ERBIN: variants seen among roughly 807,000 people sequenced by gnomAD.
ERBIN encodes erbb2 interacting protein.
A neutral mutation model predicts 158.4 loss-of-function variants in ERBIN; 60 were observed. The ratio of observed to expected loss-of-function variants is 0.38; its 90% CI spans 0.31 to 0.47. The LOEUF (loss-of-function observed/expected upper bound fraction) is 0.47, where lower values mean the gene tolerates loss of function less well. ERBIN is among the 20% of genes least tolerant of loss of function. The probability of loss-of-function intolerance (pLI) is 0.99; values close to 1 mark genes in which losing one functional copy is unlikely to be tolerated. For synonymous variants in ERBIN, 594 were observed against 557.2 expected (o/e 1.07, Z -0.93); for missense variants, 1,610 against 1,648.0 (o/e 0.98, Z 0.40).
chr5:66,031,701 A>T lies in ERBIN; in HGVS notation c.1206+3358A>T, dbSNP rs189286637. Among the ~76,000 whole-genome samples the T allele has an allele frequency of 2.5e-3, 386 of 152,268 alleles. 3 individuals carry two copies. The highest frequency in any genetic ancestry group is 9.0e-3 in the African/African-American group (372 of 41,552). ...TAAAACATTAGCCAGGTGGGGTAGC[A>T]CATGCCTGTAGTCCAGGCTACTCAG... On this transcript the variant is annotated intron_variant, in intron 14 of 25. Transcript: ENST00000284037.
chr5:66,030,588 G>A (rs73763071), intron 14 of ERBIN, among the ~76,000 whole-genome samples: 3,654 of 147,410 alleles, frequency 0.025, 161 homozygotes, highest in African/African-American at 0.088. Flanking sequence ...TTTGCGGCGG[G>A]GTCTTACTCT....
chr5:66,034,646 T>C (rs927196632), intron 14 of ERBIN, among the ~76,000 whole-genome samples: 1 of 151,898 alleles, frequency 6.6e-6, no homozygotes, highest in Admixed American at 6.6e-5. Context: ...AGAACACAGT[T>C]TAGGAAACAT....
Position 66,054,855 on chromosome 5 carries a change from T to G in ERBIN, c.3537T>G (p.Ser1179=). The G allele has an allele frequency of 6.2e-7, 1 of 1,614,152 alleles. No individual in the cohort carries two copies. The highest frequency in any genetic ancestry group is 8.5e-7 in the Non-Finnish European group (1 of 1,179,996). ...PSKRPNARVG[S]EHSLLDPPGK... is the part of the protein sequence containing the mutation. ...AAAGACCAAATGCAAGGGTTGGTTC[T>G]GAGCATTCTTTATTAGATCCTCCAG... The change falls in exon 21 of 26, where the codon TCT becomes TCG. Residue 1179 remains serine, a synonymous_variant. Transcript: ENST00000284037.
intron 22 of ERBIN, among the ~76,000 whole-genome samples, chr5:66,073,740 A>G (rs140494299): frequency 5.1e-4 from 78 of 152,268 alleles, no homozygotes; most frequent in Non-Finnish European, 8.4e-4. Flanking sequence ...TTTCCCTCAT[A>G]GTTTTCCCAT....
chr5:66,015,238 AG>A (rs1402158322), intron 7 of ERBIN, among the ~76,000 whole-genome samples: 1 of 152,226 alleles, frequency 6.6e-6, no homozygotes, highest in Admixed American at 6.5e-5. Flanking sequence ...TAAAAGAAAC[AG>A]GTCTACAAAC....
chr5:66,019,284 G>T (rs888230537), intron 7 of ERBIN, among the ~76,000 whole-genome samples: 1 of 152,096 alleles, frequency 6.6e-6, no homozygotes, highest in African/African-American at 2.4e-5. Context: ...GTGCATTTAG[G>T]TTATATGACT....
At chr5:66,058,478 T>C (rs1217329643) in intron 21 of ERBIN, among the ~76,000 whole-genome samples, 1 of 151,656 alleles carries the variant, frequency 6.6e-6, no homozygotes, top group Non-Finnish European at 1.5e-5. Context: ...TCTCCCGTTC[T>C]GTAGGTTGCC....
rs1762415834 is a variant in ERBIN, at chr5:66,082,210, T to C, written c.*3680T>C. On this transcript the variant is annotated 3_prime_UTR_variant, in exon 26 of 26. Transcript: ENST00000284037. ...CCTAAGCTGAGAAAGCCTAAAATGT[T>C]AGAGAATGTTTAGAGAAAACACCTG... The C allele has an allele frequency of 6.6e-6, 1 of 152,232 alleles. No individual in the cohort carries two copies. The highest frequency in any genetic ancestry group is 1.5e-5 in the Non-Finnish European group (1 of 68,040). 9.4% of individuals were successfully genotyped at this position (152,232 alleles called of 1,614,324 possible).
chr5:66,045,520 G>A (rs1217602258), intron 17 of ERBIN, among the ~76,000 whole-genome samples: 1 of 149,974 alleles, frequency 6.7e-6, no homozygotes, highest in African/African-American at 2.5e-5. Flanking sequence ...TACTGTCTAG[G>A]TTTGTGTAAG....
intron 1 of ERBIN, among the ~76,000 whole-genome samples, chr5:65,957,428 G>A (rs961900873): frequency 6.6e-6 from 1 of 152,016 alleles, no homozygotes; most frequent in African/African-American, 2.4e-5. Context: ...CTCTTAACGA[G>A]CATGCTGCCT....
chr5:66,064,736 C>A (rs545813796), intron 21 of ERBIN, among the ~76,000 whole-genome samples: 2 of 152,102 alleles, frequency 1.3e-5, no homozygotes, highest in Admixed American at 6.5e-5. Flanking sequence ...GGGGTTTTGG[C>A]TCTCGTGGTG....
At chr5:66,041,998 G>A (rs1424826392) in intron 15 of ERBIN, among the ~76,000 whole-genome samples, 1 of 151,974 alleles carries the variant, frequency 6.6e-6, no homozygotes, top group Non-Finnish European at 1.5e-5. Context: ...CATTCCCATT[G>A]GTAAGATTTG....
intron 15 of ERBIN, among the ~76,000 whole-genome samples, chr5:66,041,920 C>G (rs1451261631): frequency 9.3e-5 from 14 of 151,346 alleles, no homozygotes; most frequent in Non-Finnish European, 2.1e-4. Flanking sequence ...TTTAAAAAAG[C>G]AATTATAAGG....
At chr5:65,969,052 GAGTT>G (rs1240682945) in intron 1 of ERBIN, among the ~76,000 whole-genome samples, 1 of 152,088 alleles carries the variant, frequency 6.6e-6, no homozygotes, top group Non-Finnish European at 1.5e-5. Context: ...AAGTGAATGA[GAGTT>G]AGTATTGACC....
intron 1 of ERBIN, among the ~76,000 whole-genome samples, chr5:65,946,505 C>T (rs142044549): frequency 6.5e-4 from 99 of 152,292 alleles, no homozygotes; most frequent in African/African-American, 2.0e-3. Context: ...CCATGGCATC[C>T]ATGTGCTACC....
intron 1 of ERBIN, among the ~76,000 whole-genome samples, chr5:65,968,047 CTGTTA>C (rs1248118834): frequency 6.6e-6 from 1 of 152,180 alleles, no homozygotes; most frequent in Non-Finnish European, 1.5e-5. Context: ...AGCATCACTT[CTGTTA>C]TATTTTGTTT....
chr5:65,950,894 AAACTT>A (rs1468914689), intron 1 of ERBIN, among the ~76,000 whole-genome samples: 3 of 152,192 alleles, frequency 2.0e-5, no homozygotes, highest in Admixed American at 6.5e-5. Context: ...GTTCATGTAA[AAACTT>A]AAGCCAGTAA....
chr5:65,940,228 A>C (rs1193446821), intron 1 of ERBIN, among the ~76,000 whole-genome samples: 3 of 128,128 alleles, frequency 2.3e-5, no homozygotes, highest in Admixed American at 7.7e-5. Context: ...GAGCGCCTCT[A>C]CCCGGCCGTG....
At chr5:65,983,663 T>G (rs1014714744) in intron 1 of ERBIN, among the ~76,000 whole-genome samples, 14 of 152,338 alleles carry the variant, frequency 9.2e-5, no homozygotes, top group African/African-American at 3.1e-4. Flanking sequence ...TTTACATTTT[T>G]ACAAAATGAA....
Sources: gnomAD v4.1 joint callset for allele counts (sites outside exome capture counted in the v4.1 genomes callset) on GRCh38, gnomAD v4.1.1 for gene constraint, MANE v1.5 for transcripts, NCBI Gene and HGNC (gene_info 2026-07-23, HGNC 2026-07-21) for gene names.